The following GRIK4 variants were observed in gnomAD, a reference collection of about 807,000 sequenced individuals.
GRIK4 encodes the protein glutamate receptor ionotropic, kainate 4.
A neutral mutation model predicts 104.9 loss-of-function variants in GRIK4; 40 were observed. The observed-to-expected ratio is 0.38, with a 90% CI of 0.30 to 0.50. The LOEUF is 0.50. GRIK4 is among the 20% of genes least tolerant of loss of function. The pLI is 0.93. For missense variants in GRIK4, 1,047 were observed against 1,308.1 expected (o/e 0.80, Z 3.08); for synonymous variants, 485 against 524.9 (o/e 0.92, Z 1.04).
intron 13 of GRIK4, among the ~76,000 whole-genome samples, chr11:120,911,240 C>CTT (rs202173501): frequency 8.0e-5 from 11 of 137,720 alleles, no homozygotes; most frequent in Admixed American, 1.5e-4. Flanking sequence ...CCAAAATTCT[C>CTT]TTTTTTTTTT....
intron 18 of GRIK4, among the ~76,000 whole-genome samples, chr11:120,963,676 A>G (rs1308072790): frequency 6.6e-6 from 1 of 152,200 alleles, no homozygotes; most frequent in East Asian, 1.9e-4. Context: ...TCTTTACCTT[A>G]GCTCAAAACT....
chr11:120,976,562 G>A (rs1944564197), intron 19 of GRIK4, among the ~76,000 whole-genome samples: 1 of 152,218 alleles, frequency 6.6e-6, no homozygotes, highest in Non-Finnish European at 1.5e-5. Flanking sequence ...GAAATAGAAA[G>A]TGCTTGAAAG....
At chr11:120,685,509 C>T (rs1321381718) in intron 3 of GRIK4, among the ~76,000 whole-genome samples, 1 of 152,050 alleles carries the variant, frequency 6.6e-6, no homozygotes, top group Non-Finnish European at 1.5e-5. Flanking sequence ...TAATAGGTAC[C>T]CCCAGATGAT....
intron 1 of GRIK4, among the ~76,000 whole-genome samples, chr11:120,553,629 T>C (rs531765314): frequency 6.6e-6 from 1 of 152,284 alleles, no homozygotes; most frequent in South Asian, 2.1e-4. Context: ...AGGGGTTATA[T>C]TTGGAACTCG....
chr11:120,695,145 AGGGAGCCTTG>A lies in GRIK4; in HGVS notation c.82+34748_82+34757del, dbSNP rs555571370. On this transcript the variant is annotated intron_variant, in intron 3 of 20. Transcript: ENST00000527524. ...CAGCCCTCTCCTCCTGCTGGAGGTCAGGGAGCCTTGGGACCCAGGAGCATGGGGGGTGTTC... is the reference window on the plus strand; with the variant it reads ...CAGCCCTCTCCTCCTGCTGGAGGTCAGGACCCAGGAGCATGGGGGGTGTTC... 5.3e-5 allele frequency among the ~76,000 whole-genome samples: 8 copies of A among 152,326 alleles called. No individual in the cohort carries two copies. In the East Asian group the frequency reaches 1.5e-3, roughly 29 times the overall value.
chr11:120,975,956 G>A (rs533166035), intron 19 of GRIK4, among the ~76,000 whole-genome samples: 30 of 152,326 alleles, frequency 2.0e-4, no homozygotes, highest in African/African-American at 6.3e-4. Context: ...TAACTGTAAG[G>A]ATTGAGTTAA....
chr11:120,777,872 G>A (rs1426703580), intron 3 of GRIK4, among the ~76,000 whole-genome samples: 3 of 151,722 alleles, frequency 2.0e-5, no homozygotes, highest in African/African-American at 7.3e-5. Flanking sequence ...GGGAGGTTAA[G>A]GTTGCAATGA....
Position 120,930,104 on chromosome 11 carries a change from T to C in GRIK4, c.1477-10243T>C, listed in dbSNP as rs147017184. ...GGGAAAGTCACTGCGAACAGTGCAG[T>C]AATAAGAAAGCCAAGCGCACAGTCC... is the stretch of plus-strand genomic sequence containing the variant. On this transcript the variant is annotated intron_variant, in intron 13 of 20. Coordinates refer to ENST00000527524, the MANE Select transcript of GRIK4 (RefSeq NM_014619.5). Among the ~76,000 whole-genome samples, 504 of 152,174 alleles carry C rather than the reference T, an allele frequency of 3.3e-3. 3 individuals are homozygous for C. Among genetic ancestry groups the C allele is most frequent in the African/African-American group, 0.011 (476 of 41,522 alleles).
intron 1 of GRIK4, among the ~76,000 whole-genome samples, chr11:120,617,193 C>T (rs759663133): frequency 3.9e-5 from 6 of 152,244 alleles, no homozygotes; most frequent in South Asian, 2.1e-4. Flanking sequence ...GGTTAAGAAC[C>T]GCAGTCAGCT....
At chr11:120,850,222 A>G (rs1469256095) in intron 8 of GRIK4, among the ~76,000 whole-genome samples, 1 of 152,112 alleles carries the variant, frequency 6.6e-6, no homozygotes. Context: ...TCATCTGGAT[A>G]ATCTCCTTCT....
intron 9 of GRIK4, chr11:120,870,791 G>A (rs1954587113): frequency 6.6e-6 from 1 of 151,492 alleles, no homozygotes. Flanking sequence ...CTGTTGCCCA[G>A]GCTGGAGTGC....
At chr11:120,719,248 A>G (rs1050749234) in intron 3 of GRIK4, among the ~76,000 whole-genome samples, 7 of 152,222 alleles carry the variant, frequency 4.6e-5, no homozygotes, top group African/African-American at 7.2e-5. Flanking sequence ...GCTTTTAAAA[A>G]TAATAGGCTG....
intron 3 of GRIK4, among the ~76,000 whole-genome samples, chr11:120,687,841 T>C (rs978334202): frequency 1.3e-5 from 2 of 152,298 alleles, no homozygotes; most frequent in African/African-American, 4.8e-5. Flanking sequence ...CAGCAGGTCC[T>C]CAATTCTAGT....
intron 8 of GRIK4, among the ~76,000 whole-genome samples, chr11:120,856,322 C>T (rs1954104258): frequency 6.6e-6 from 1 of 152,204 alleles, no homozygotes; most frequent in African/African-American, 2.4e-5. Context: ...TGCCACATTG[C>T]ACAATGTGGC....
chr11:120,581,866 G>A (rs555693950), intron 1 of GRIK4, among the ~76,000 whole-genome samples: 4 of 151,792 alleles, frequency 2.6e-5, no homozygotes, highest in Admixed American at 1.3e-4. Context: ...GAGTGCAGTG[G>A]CGTGATCTCG....
chr11:120,907,817 A>C (rs1210227523), intron 13 of GRIK4, among the ~76,000 whole-genome samples: 1 of 151,972 alleles, frequency 6.6e-6, no homozygotes, highest in South Asian at 2.1e-4. Flanking sequence ...TGGCTTAGGG[A>C]GGATGGGTGG....
chr11:120,889,130 C>A (rs567084270), intron 11 of GRIK4, among the ~76,000 whole-genome samples: 38 of 152,206 alleles, frequency 2.5e-4, no homozygotes, highest in Admixed American at 5.2e-4. Flanking sequence ...CTCCAGGACT[C>A]GGTTGGGCTC....
intron 13 of GRIK4, among the ~76,000 whole-genome samples, chr11:120,907,128 C>T (rs369593876): frequency 7.9e-5 from 12 of 152,326 alleles, no homozygotes; most frequent in East Asian, 3.9e-4. Context: ...CAGACCCACT[C>T]CTGAAACATT....
intron 1 of GRIK4, among the ~76,000 whole-genome samples, chr11:120,602,218 C>G (rs950876859): frequency 6.6e-6 from 1 of 152,118 alleles, no homozygotes; most frequent in Non-Finnish European, 1.5e-5. Context: ...GCTGTGGAGG[C>G]CCCCCTTCTA....
Sources: allele counts gnomAD v4.1 joint callset (sites outside exome capture counted in the v4.1 genomes callset), GRCh38; gene constraint gnomAD v4.1.1; transcripts MANE v1.5; gene names NCBI Gene and HGNC (gene_info 2026-07-23, HGNC 2026-07-21).